Variants in YTHDC2 observed in about 807,000 individuals in gnomAD.
The protein encoded by YTHDC2 is 3'-5' RNA helicase YTHDC2.
Under a neutral mutation model 174.9 loss-of-function variants are expected in YTHDC2, and 45 were observed. The observed-to-expected ratio is 0.26, with a 90% CI of 0.20 to 0.33. The LOEUF (loss-of-function observed/expected upper bound fraction) is 0.33. YTHDC2 is among the 10% of genes least tolerant of loss of function. The probability of loss-of-function intolerance (pLI) is 1.00; values close to 1 mark genes in which losing one functional copy is unlikely to be tolerated. For missense variants in YTHDC2, 1,650 were observed against 1,723.7 expected, an observed-to-expected ratio of 0.96 and a Z score of 0.76; for synonymous variants, 657 against 574.5, an observed-to-expected ratio of 1.14 and a Z score of -2.05.
At chr5:113,531,380 C>T (rs1774652914) in intron 4 of YTHDC2, among the ~76,000 whole-genome samples, 1 of 152,036 alleles carries the variant, frequency 6.6e-6, no homozygotes, top group African/African-American at 2.4e-5. Context: ...CACATTTATT[C>T]AGTATAGATT....
intron 2 of YTHDC2, among the ~76,000 whole-genome samples, chr5:113,519,801 A>T (rs950761879): frequency 3.9e-5 from 6 of 152,250 alleles, no homozygotes; most frequent in African/African-American, 1.4e-4. Flanking sequence ...CATTATATAA[A>T]TTTAATCAAG....
rs1561628743 is a variant in YTHDC2 at position 113,526,825 on chromosome 5, A to AT, written c.675+40_675+41insT. On this transcript the variant is annotated intron_variant, in intron 4 of 29. Coordinates refer to ENST00000161863, the MANE Select transcript of YTHDC2 (RefSeq NM_022828.5). Reference sequence around the variant, plus strand: ...TGTTGTTTATAGAAAAAAAAAAAAAAAATATATATATATATATATATATAG... The same window carrying AT: ...TGTTGTTTATAGAAAAAAAAAAAAAATAATATATATATATATATATATATAG... 987 of 234,890 alleles carry AT rather than the reference A, an allele frequency of 4.2e-3. 3 individuals are homozygous for AT. The highest frequency in any genetic ancestry group is 0.013 in the Admixed American group (124 of 9,380). The allele number at this position is 234,890 out of a possible 1,614,324, so 14.6% of individuals were successfully genotyped here.
At chr5:113,524,344 C>A (rs549442719) in intron 2 of YTHDC2, among the ~76,000 whole-genome samples, 1 of 152,098 alleles carries the variant, frequency 6.6e-6, no homozygotes, top group African/African-American at 2.4e-5. Flanking sequence ...GTTGAGGAAA[C>A]AATATACCTA....
intron 4 of YTHDC2, 29 bp downstream of exon 4, chr5:113,526,814 A>T: frequency 6.9e-6 from 2 of 287,942 alleles, no homozygotes; most frequent in Non-Finnish European, 9.6e-6. Context: ...GTTTATAGAA[A>T]AAAAAAAAAA....
intron 9 of YTHDC2, among the ~76,000 whole-genome samples, chr5:113,541,490 C>G (rs1276443074): frequency 2.0e-5 from 3 of 152,090 alleles, no homozygotes; most frequent in Non-Finnish European, 4.4e-5. Context: ...TGCACCCAGC[C>G]AAGAGATTGT....
At chr5:113,574,306 C>T (rs181301380) in intron 23 of YTHDC2, among the ~76,000 whole-genome samples, 5 of 152,276 alleles carry the variant, frequency 3.3e-5, no homozygotes, top group Admixed American at 1.3e-4. Context: ...GTCTGCAAAA[C>T]AGCAAAGATG....
At chr5:113,541,970 C>T (rs1485275184) in intron 9 of YTHDC2, among the ~76,000 whole-genome samples, 2 of 152,108 alleles carry the variant, frequency 1.3e-5, no homozygotes, top group East Asian at 1.9e-4. Flanking sequence ...ATCTAGCACC[C>T]TACCAACAAG....
At chr5:113,518,992 G>T (rs560898671) in intron 2 of YTHDC2, among the ~76,000 whole-genome samples, 1 of 151,780 alleles carries the variant, frequency 6.6e-6, no homozygotes, top group African/African-American at 2.4e-5. Context: ...GGCTTTCCTC[G>T]CAAGTAGATA....
intron 4 of YTHDC2, among the ~76,000 whole-genome samples, chr5:113,530,526 G>A (rs1261577724): frequency 6.6e-6 from 1 of 152,064 alleles, no homozygotes; most frequent in African/African-American, 2.4e-5. Flanking sequence ...GGTAGTGCGA[G>A]TACCTTAAAT....
intron 8 of YTHDC2, 51 bp downstream of exon 8, chr5:113,539,232 T>G: frequency 1.3e-6 from 1 of 742,074 alleles, no homozygotes; most frequent in South Asian, 2.5e-5. Context: ...TGATAATGAC[T>G]TTGGAGTACT....
intron 23 of YTHDC2, among the ~76,000 whole-genome samples, chr5:113,575,594 G>A (rs1777991331): frequency 6.6e-6 from 1 of 152,128 alleles, no homozygotes; most frequent in Non-Finnish European, 1.5e-5. Flanking sequence ...AAATTATCTA[G>A]GAATTGACAG....
chr5:113,591,981 C>G lies in YTHDC2; in HGVS notation c.4030-15C>G, dbSNP rs377077312. The G allele has an allele frequency of 2.6e-5, 42 of 1,585,088 alleles. No individual in the cohort carries two copies. Among genetic ancestry groups the G allele is most frequent in the Non-Finnish European group, 3.3e-5 (38 of 1,164,664 alleles). The stretch of plus-strand genomic sequence containing the variant: ...TCCTCCTCACCTCTATTCCTTCCTC[C>G]CATTTTACCTACAGGGATTTTCTAG... On this transcript the variant is annotated splice_polypyrimidine_tract_variant and intron_variant, in intron 27 of 29. Transcript: ENST00000161863.
chr5:113,577,616 C>T (rs1333424101), intron 23 of YTHDC2, among the ~76,000 whole-genome samples: 1 of 152,172 alleles, frequency 6.6e-6, no homozygotes, highest in Non-Finnish European at 1.5e-5. Flanking sequence ...ACAATCTGCT[C>T]ACCTCGGTCT....
chr5:113,588,106 T>G (rs1561712276), intron 26 of YTHDC2, among the ~76,000 whole-genome samples: 1 of 152,130 alleles, frequency 6.6e-6, no homozygotes, highest in African/African-American at 2.4e-5. Flanking sequence ...CCTATGACCT[T>G]ATTTCATTTA....
At position 113,563,923 on chromosome 5, in the gene YTHDC2, C is replaced by T; in HGVS notation, c.2507C>T (p.Pro836Leu). 2 of 1,614,118 alleles carry T rather than the reference C, an allele frequency of 1.2e-6. No homozygotes were observed. The highest frequency in any genetic ancestry group is 2.2e-5 in the East Asian group (1 of 44,864). Residue 836 changes from proline to leucine, a missense_variant, in exon 20 of 30, where the codon CCA becomes CTA. Around this residue, in one of 5 missense-constraint regions of YTHDC2, gnomAD observed 913 missense variants for 940.4 expected, o/e 0.97. Transcript: ENST00000161863. Reference protein sequence around the residue: ...TELGYHLADLPVEPHLGKMVL... With the variant: ...TELGYHLADLLVEPHLGKMVL... The stretch of plus-strand genomic sequence containing the variant: ...CTTGGGTATCATTTGGCTGACTTGC[C>T]AGTAGAACCACATCTTGGTAAAATG...
intron 6 of YTHDC2, 36 bp downstream of exon 6, chr5:113,534,443 G>T: frequency 1.9e-6 from 3 of 1,563,800 alleles, no homozygotes; most frequent in Non-Finnish European, 2.6e-6. Context: ...ATGTAACTCA[G>T]ATTGCTTAAA....
chr5:113,589,212 A>G (rs1028655227), intron 26 of YTHDC2, among the ~76,000 whole-genome samples: 7 of 151,576 alleles, frequency 4.6e-5, no homozygotes, highest in Non-Finnish European at 7.4e-5. Context: ...ATATGGTTCC[A>G]CAGGTCACCG....
rs757099731 is a variant in YTHDC2 at position 113,553,638 on chromosome 5, G to A, written c.1916G>A (p.Arg639Lys). The A allele has an allele frequency of 1.2e-6, 2 of 1,613,546 alleles. No individual in the cohort carries two copies. Among genetic ancestry groups the A allele is most frequent in the Admixed American group, 1.7e-5 (1 of 59,966 alleles). Residue 639 changes from arginine (R) to lysine (K), a missense_variant, in exon 14 of 30, where the codon AGA becomes AAA. Arg to Lys is a conservative substitution (Grantham distance 26, BLOSUM62 2). Coordinates refer to ENST00000161863, the MANE Select transcript of YTHDC2 (RefSeq NM_022828.5). ...GGATATGACGAAATTGTTGGACTGA[G>A]AGATCGCATCCTGTTTGATGACAAG... ...LPGYDEIVGL[R>K]DRILFDDKRF...
At chr5:113,515,552 C>T (rs919729927) in intron 2 of YTHDC2, among the ~76,000 whole-genome samples, 190 bp downstream of exon 2, 1 of 152,094 alleles carries the variant, frequency 6.6e-6, no homozygotes, top group Non-Finnish European at 1.5e-5. Context: ...TACCTCTTCC[C>T]CCCTTTTTTG....
Sources: allele counts gnomAD v4.1 joint callset (sites outside exome capture counted in the v4.1 genomes callset), GRCh38; gene constraint gnomAD v4.1.1; regional missense constraint gnomAD v4.1.1; transcripts MANE v1.5; gene names NCBI Gene and HGNC (gene_info 2026-07-23, HGNC 2026-07-21).